THOC1: variants seen among roughly 807,000 people sequenced by gnomAD.
THOC1 encodes THO complex subunit 1, also known as THO complex 1.
In THOC1, 29 loss-of-function variants were observed where a neutral mutation model predicts 97.3. That is an observed-to-expected ratio of 0.30 (90% CI 0.22 to 0.41). The LOEUF (loss-of-function observed/expected upper bound fraction) is 0.41, where lower values mean the gene tolerates loss of function less well. Among genes scored for constraint, THOC1 ranks in the 10% least tolerant of loss-of-function variants. The pLI is 1.00. For missense variants in THOC1, 529 were observed against 761.9 expected (o/e 0.69, Z 3.60); for synonymous variants, 255 against 257.0 (o/e 0.99, Z 0.07).
At chr18:263,870 A>G in intron 4 of THOC1, 156 bp downstream of exon 4, 1 of 597,014 alleles carries the variant, frequency 1.7e-6, no homozygotes, top group Non-Finnish European at 3.0e-6. Flanking sequence ...AGAGTGAACT[A>G]ATTCAACTGG....
chr18:230,103 A>G (rs942347647), intron 11 of THOC1, among the ~76,000 whole-genome samples: 1 of 152,244 alleles, frequency 6.6e-6, no homozygotes, highest in Admixed American at 6.5e-5. Context: ...TTTCATGAAC[A>G]AAGTAAAACA....
chr18:215,634 T>TA, intron 19 of THOC1, 130 bp from the exon 20 acceptor site: 2 of 664,926 alleles, frequency 3.0e-6, no homozygotes, highest in Non-Finnish European at 2.6e-6. Flanking sequence ...CTGAGAGCGT[T>TA]AAATGACAGT....
chr18:253,042 TTAAAAC>T (rs1374336071), intron 8 of THOC1, among the ~76,000 whole-genome samples: 5 of 152,168 alleles, frequency 3.3e-5, no homozygotes, highest in African/African-American at 1.2e-4. Flanking sequence ...GGAAATGAAA[TTAAAAC>T]TAAGAAGACT....
intron 11 of THOC1, among the ~76,000 whole-genome samples, chr18:237,596 C>T (rs1911751855): frequency 6.6e-6 from 1 of 151,320 alleles, no homozygotes; most frequent in Non-Finnish European, 1.5e-5. Context: ...CCCATTTTCT[C>T]CCCAGATTAG....
intron 4 of THOC1, chr18:263,675 A>G: frequency 5.2e-6 from 1 of 191,490 alleles, no homozygotes; most frequent in Non-Finnish European, 1.1e-5. Flanking sequence ...AGGCATGCAT[A>G]CATCTGTTTC....
chr18:225,061 A>G (rs1911234108), intron 14 of THOC1, 28 bp downstream of exon 14: 10 of 1,567,580 alleles, frequency 6.4e-6, no homozygotes, highest in Non-Finnish European at 8.7e-6. Flanking sequence ...CGTGCTAAGA[A>G]GAGGATGTAA....
intron 11 of THOC1, among the ~76,000 whole-genome samples, chr18:232,394 T>C (rs1911515287): frequency 6.6e-6 from 1 of 152,058 alleles, no homozygotes; most frequent in Non-Finnish European, 1.5e-5. Flanking sequence ...CCTGGCCCAA[T>C]AAAAATTATC....
Position 259,842 on chromosome 18 carries a change from T to C in THOC1, c.376-112A>G, listed in dbSNP as rs1912547874. The C allele has an allele frequency of 4.3e-5, 29 of 681,898 alleles. No homozygotes were observed. In the South Asian group the frequency reaches 7.1e-4, roughly 17 times the overall value. The allele number at this position is 681,898 out of a possible 1,614,324, so 42.2% of individuals were successfully genotyped here. A position where few individuals can be genotyped will look rare whatever the true frequency, so the allele number is the denominator to read the frequency against. ...ACACTAACATGCACTGAGAATCTAC[T>C]ATGCCACTTTCACTTTTTTTAAGCA... On this transcript the variant is annotated intron_variant, in intron 5 of 20. Coordinates refer to ENST00000261600, the MANE Select transcript of THOC1 (RefSeq NM_005131.3).
At chr18:265,860 G>A (rs991883110) in intron 1 of THOC1, among the ~76,000 whole-genome samples, 1 of 151,536 alleles carries the variant, frequency 6.6e-6, no homozygotes, top group African/African-American at 2.4e-5. Context: ...TAGTTTTGAA[G>A]CTTCATAGAT....
chr18:234,981 A>G (rs1421010022), intron 11 of THOC1, among the ~76,000 whole-genome samples: 1 of 151,918 alleles, frequency 6.6e-6, no homozygotes, highest in Non-Finnish European at 1.5e-5. Context: ...TATTCTTTGA[A>G]GTGTTGATAA....
At chr18:231,677 C>T (rs375654113) in intron 11 of THOC1, among the ~76,000 whole-genome samples, 5 of 152,134 alleles carry the variant, frequency 3.3e-5, no homozygotes, top group African/African-American at 1.2e-4. Context: ...ATATCATAGA[C>T]ATTGTTGAAG....
At chr18:216,705 A>AC in intron 18 of THOC1, 72 bp from the exon 19 acceptor site, 2 of 1,505,286 alleles carry the variant, frequency 1.3e-6, no homozygotes, top group Admixed American at 2.3e-5. Context: ...CAGTTCTGCC[A>AC]TGTGTAATTC....
chr18:234,349 G>A (rs1264215768), intron 11 of THOC1, among the ~76,000 whole-genome samples: 1 of 152,060 alleles, frequency 6.6e-6, no homozygotes, highest in African/African-American at 2.4e-5. Context: ...GTCCATCCAT[G>A]TCTTCTTTTT....
At position 259,164 on chromosome 18, in the gene THOC1, A is replaced by C. The variant is rs572569477; in HGVS notation, c.520+16T>G. 6.3e-7 allele frequency: 1 copy of C among 1,577,654 alleles called. No individual in the cohort carries two copies. Among genetic ancestry groups the C allele is most frequent in the African/African-American group, 1.4e-5 (1 of 73,550 alleles). ...GATTTTCCTGCAGAAAACTCATTTA[A>C]TGCATAAAAGCTTACCTGATTTCTC... On this transcript the variant is annotated intron_variant, in intron 7 of 20. Coordinates refer to ENST00000261600, the MANE Select transcript of THOC1 (RefSeq NM_005131.3).
chr18:245,995 A>G (rs1912075084), intron 11 of THOC1: 1 of 166,886 alleles, frequency 6.0e-6, no homozygotes, highest in Non-Finnish European at 1.3e-5. Flanking sequence ...ACTTGCACCT[A>G]AATAATAATT....
In THOC1 at chr18:260,105, AT is replaced by A. The variant is rs1351286611; in HGVS notation, c.375+80del. ...TGGCATTCAGCAATACTACAAATAAATTTAAAAAAAAAAATCTACCCTCAGA... is the reference window on the plus strand; with the variant it reads ...TGGCATTCAGCAATACTACAAATAAATTAAAAAAAAAAATCTACCCTCAGA... On this transcript the variant is annotated intron_variant, in intron 5 of 20. Transcript: ENST00000261600. 1.1e-4 allele frequency: 102 copies of A among 913,944 alleles called. No homozygotes were observed. In the South Asian group the frequency reaches 1.3e-3, roughly 11 times the overall value. The allele number at this position is 913,944 out of a possible 1,614,324, so 56.6% of individuals were successfully genotyped here.
intron 15 of THOC1, among the ~76,000 whole-genome samples, chr18:224,708 G>T (rs555848733): frequency 6.6e-6 from 1 of 152,196 alleles, no homozygotes; most frequent in African/African-American, 2.4e-5. Flanking sequence ...TAAGATGTTT[G>T]TTCCAGGAAT....
At chr18:257,518 AATACAG>A (rs1259141046) in intron 7 of THOC1, among the ~76,000 whole-genome samples, 14 of 152,188 alleles carry the variant, frequency 9.2e-5, no homozygotes, top group Admixed American at 2.0e-4. Context: ...TACAGAAACA[AATACAG>A]ATGAGTATGG....
intron 4 of THOC1, among the ~76,000 whole-genome samples, chr18:261,500 A>G (rs192241540): frequency 6.6e-6 from 1 of 152,230 alleles, no homozygotes; most frequent in Non-Finnish European, 1.5e-5. Flanking sequence ...ACTCAATACA[A>G]GGGAACACAC....
Sources: allele counts gnomAD v4.1 joint callset (sites outside exome capture counted in the v4.1 genomes callset), GRCh38; gene constraint gnomAD v4.1.1; transcripts MANE v1.5; gene names NCBI Gene and HGNC (gene_info 2026-07-23, HGNC 2026-07-21).